YIPF7: variants seen among roughly 807,000 people sequenced by gnomAD.
YIPF7 encodes Yip1 domain family member 7.
Under a neutral mutation model 27.2 loss-of-function variants are expected in YIPF7, and 35 were observed. The ratio of observed to expected loss-of-function variants is 1.29; its 90% CI spans 0.98 to 1.70. YIPF7 has a LOEUF of 1.70. YIPF7 is among the 40% of genes most tolerant of loss of function. The pLI, the probability that YIPF7 is intolerant of heterozygous loss-of-function variation, is 0.00. For synonymous variants in YIPF7, 137 were observed against 110.4 expected, an observed-to-expected ratio of 1.24 and a Z score of -1.51; for missense variants, 358 against 303.7, an observed-to-expected ratio of 1.18 and a Z score of -1.33.
intron 4 of YIPF7, 186 bp downstream of exon 4, chr4:44,629,217 A>C: frequency 1.7e-6 from 1 of 578,618 alleles, no homozygotes; most frequent in Non-Finnish European, 2.6e-6. Flanking sequence ...ATTTAAATTT[A>C]TACTTTTTAG....
intron 2 of YIPF7, among the ~76,000 whole-genome samples, chr4:44,658,494 G>A (rs1334371256): frequency 6.6e-6 from 1 of 152,136 alleles, no homozygotes; most frequent in Non-Finnish European, 1.5e-5. Context: ...GGGAACTATA[G>A]TCTCCCCACT....
chr4:44,637,523 T>A (rs1223151470), intron 2 of YIPF7, among the ~76,000 whole-genome samples: 1 of 152,232 alleles, frequency 6.6e-6, no homozygotes, highest in African/African-American at 2.4e-5. Context: ...TTCATATACT[T>A]GTTGGCCATT....
Position 44,635,935 on chromosome 4 carries a change from A to T in YIPF7, c.267T>A (p.Pro89=). 1 of 1,613,778 alleles carries T rather than the reference A, an allele frequency of 6.2e-7. No individual in the cohort carries two copies. ...SPYIDSFDEE[P]PLLEELGIHF... The stretch of plus-strand genomic sequence containing the variant: ...TCCTTAACTTATCTTCTAGCAAAGG[A>T]GGCTCTTCATCAAAACTGTCAATGT... The change falls in exon 3 of 6, where the codon CCT becomes CCA. Residue 89 remains proline (P), a synonymous_variant. Transcript: ENST00000415895.
At chr4:44,647,043 A>G (rs1166374630) in intron 2 of YIPF7, among the ~76,000 whole-genome samples, 1 of 152,170 alleles carries the variant, frequency 6.6e-6, no homozygotes, top group East Asian at 1.9e-4. Flanking sequence ...TCATAAAACT[A>G]CCACAGCTAC....
intron 1 of YIPF7, among the ~76,000 whole-genome samples, chr4:44,661,322 C>A (rs1714036612): frequency 6.6e-6 from 1 of 152,106 alleles, no homozygotes; most frequent in Middle Eastern, 3.2e-3. Flanking sequence ...TCTTGTGAAC[C>A]CTCTCAGTTA....
At chr4:44,648,434 A>G (rs1713601779) in intron 2 of YIPF7, among the ~76,000 whole-genome samples, 1 of 152,178 alleles carries the variant, frequency 6.6e-6, no homozygotes, top group South Asian at 2.1e-4. Context: ...CCTAATTCAT[A>G]TGGTGCTCCA....
At chr4:44,636,328 C>T (rs913134119) in intron 2 of YIPF7, among the ~76,000 whole-genome samples, 2 of 152,158 alleles carry the variant, frequency 1.3e-5, no homozygotes, top group African/African-American at 4.8e-5. Flanking sequence ...ATGCTGAATG[C>T]TTCCCCTAAT....
At chr4:44,625,023 A>C (rs960929425) in intron 4 of YIPF7, among the ~76,000 whole-genome samples, 1 of 152,190 alleles carries the variant, frequency 6.6e-6, no homozygotes, top group East Asian at 1.9e-4. Context: ...AAAAGATTGA[A>C]TATTTCTAGA....
chr4:44,658,290 A>C (rs1420210343), intron 2 of YIPF7, among the ~76,000 whole-genome samples: 1 of 152,140 alleles, frequency 6.6e-6, no homozygotes, highest in African/African-American at 2.4e-5. Flanking sequence ...GTGAGGATAC[A>C]ATAAGAACTC....
In YIPF7 at chr4:44,636,113, C is replaced by T. The variant is rs778765154; in HGVS notation, c.117-28G>A. The T allele has an allele frequency of 8.9e-6, 14 of 1,571,284 alleles. No homozygotes were observed. The South Asian group carries it at 1.2e-4, about 13-fold the overall frequency. ...AGAAAAAGAAAAATACAAACATTTACATGTCTAAGAAAAAGGTATCATGAC... is the reference window on the plus strand; with the variant it reads ...AGAAAAAGAAAAATACAAACATTTATATGTCTAAGAAAAAGGTATCATGAC... On this transcript the variant is annotated intron_variant, in intron 2 of 5. Transcript: ENST00000415895.
chr4:44,647,592 T>C (rs938905585), intron 2 of YIPF7, among the ~76,000 whole-genome samples: 1 of 152,174 alleles, frequency 6.6e-6, no homozygotes, highest in African/African-American at 2.4e-5. Flanking sequence ...TCCTGTTTTT[T>C]TTCACCTTCC....
At chr4:44,635,319 G>A (rs79490245) in intron 3 of YIPF7, among the ~76,000 whole-genome samples, 7,042 of 151,762 alleles carry the variant, frequency 0.046, 222 homozygotes, top group Middle Eastern at 0.14. Flanking sequence ...GAACAACTCC[G>A]AAATCCCCTA....
At chr4:44,627,841 C>A (rs530241295) in intron 4 of YIPF7, among the ~76,000 whole-genome samples, 5 of 152,232 alleles carry the variant, frequency 3.3e-5, no homozygotes, top group African/African-American at 9.6e-5. Context: ...TAGGGTAGAT[C>A]CAATTTTCTC....
Position 44,642,820 on chromosome 4 carries a change from G to A in YIPF7, c.117-6735C>T, listed in dbSNP as rs564662533. Among the ~76,000 whole-genome samples the A allele has an allele frequency of 7.2e-5, 11 of 152,296 alleles. No homozygotes were observed. In the South Asian group the frequency reaches 2.3e-3, roughly 32 times the overall value. ...CTTCCACCATGAGTAAAAGCTCCCT[G>A]TGACCTCCCCAGGAGCAGCTGTCGC... On this transcript the variant is annotated intron_variant, in intron 2 of 5. Coordinates refer to ENST00000415895, the MANE Select transcript of YIPF7 (RefSeq NM_182592.3).
intron 5 of YIPF7, among the ~76,000 whole-genome samples, chr4:44,624,250 G>T (rs1406675989): frequency 1.3e-5 from 2 of 151,846 alleles, no homozygotes; most frequent in Non-Finnish European, 2.9e-5. Flanking sequence ...TTTTAGTAGA[G>T]ATGGGGTTTC....
At chr4:44,625,583 T>C (rs372085947) in intron 4 of YIPF7, among the ~76,000 whole-genome samples, 16 of 152,304 alleles carry the variant, frequency 1.1e-4, no homozygotes, top group African/African-American at 3.8e-4. Flanking sequence ...AACTAACTGG[T>C]AATGAATTAT....
At chr4:44,655,465 T>C (rs930273146), upstream of YIPF7, among the ~76,000 whole-genome samples, 1 of 152,018 alleles carries the variant, frequency 6.6e-6, no homozygotes, top group African/African-American at 2.4e-5. Flanking sequence ...TCTGGTGTTA[T>C]GAATGTACCT....
intron 2 of YIPF7, among the ~76,000 whole-genome samples, chr4:44,659,271 C>A (rs116781767): frequency 0.028 from 4,247 of 151,344 alleles, 188 homozygotes; most frequent in African/African-American, 0.098. Flanking sequence ...CACATGGCTT[C>A]AAAGTCAGAG....
chr4:44,627,568 T>C (rs79838962), intron 4 of YIPF7, among the ~76,000 whole-genome samples: 4,194 of 152,308 alleles, frequency 0.028, 152 homozygotes, highest in East Asian at 0.1. Context: ...ATACTTCAAG[T>C]AATATTCAAT....
Sources: gnomAD v4.1 joint callset for allele counts (sites outside exome capture counted in the v4.1 genomes callset) on GRCh38, gnomAD v4.1.1 for gene constraint, MANE v1.5 for transcripts, NCBI Gene and HGNC (gene_info 2026-07-23, HGNC 2026-07-21) for gene names.